Variants in OSGIN2 observed in about 807,000 individuals in gnomAD.
OSGIN2 encodes oxidative stress-induced growth inhibitor 2.
Under a neutral mutation model 53.8 loss-of-function variants are expected in OSGIN2, and 19 were observed. The ratio of observed to expected loss-of-function variants is 0.35; its 90% CI spans 0.25 to 0.52. The LOEUF (loss-of-function observed/expected upper bound fraction) is 0.52, where lower values mean the gene tolerates loss of function less well. Among genes scored for constraint, OSGIN2 ranks in the 20% least tolerant of loss-of-function variants. The probability of loss-of-function intolerance (pLI) is 0.95; values close to 1 mark genes in which losing one functional copy is unlikely to be tolerated. For missense variants in OSGIN2, 520 were observed against 662.7 expected (o/e 0.78, Z 2.36); for synonymous variants, 236 against 236.0 (o/e 1.00, Z 0.00).
chr8:89,915,650 G>A (rs1809062552), intron 4 of OSGIN2, among the ~76,000 whole-genome samples: 1 of 152,176 alleles, frequency 6.6e-6, no homozygotes, highest in East Asian at 1.9e-4. Flanking sequence ...ACAAATTGAT[G>A]TTAAGTAATT....
rs1809302424 is a variant in OSGIN2 at position 89,925,441 on chromosome 8, G to C, written c.1559G>C (p.Gly520Ala). Residue 520 changes from glycine (G) to alanine (A), a missense_variant, in exon 6 of 6, where the codon GGA (glycine) becomes GCA (alanine). Physicochemically the swap from Gly to Ala is moderately conservative, Grantham distance 60. Transcript: ENST00000451899. ...VGDNFVRFLKGGALGVTRCLA... is the reference protein window; with the variant it reads ...VGDNFVRFLKAGALGVTRCLA... ...GACAATTTTGTTCGATTTTTAAAGG[G>C]AGGGGCGCTGGGTGTTACACGCTGT... The C allele has an allele frequency of 6.2e-7, 1 of 1,614,044 alleles. No individual in the cohort carries two copies. Among genetic ancestry groups the C allele is most frequent in the African/African-American group, 1.3e-5 (1 of 74,926 alleles).
chr8:89,923,749 A>G (rs941917565), intron 5 of OSGIN2, among the ~76,000 whole-genome samples: 3 of 152,246 alleles, frequency 2.0e-5, no homozygotes, highest in Non-Finnish European at 4.4e-5. Flanking sequence ...CAATTGGTCT[A>G]TCAGGACAAA....
At position 89,925,095 on chromosome 8, in the gene OSGIN2, T is replaced by C. The variant is rs770835741; in HGVS notation, c.1213T>C (p.Cys405Arg). Reference protein sequence around the residue: ...PEYHKVYHMMCTQSYSVDSNL... With the variant: ...PEYHKVYHMMRTQSYSVDSNL... ...ATATCATAAAGTCTATCATATGATG[T>C]GTACTCAGTCATATTCTGTAGACTC... Residue 405 changes from cysteine to arginine, a missense_variant, in exon 6 of 6, where the codon TGT (cysteine) becomes CGT (arginine). This residue lies in a region of OSGIN2 where 239 missense variants were observed against 328.3 expected (regional missense o/e 0.73). Transcript: ENST00000451899. 2.5e-6 allele frequency: 4 copies of C among 1,612,816 alleles called. No individual in the cohort carries two copies. The East Asian group carries it at 8.9e-5, about 36-fold the overall frequency.
chr8:89,919,367 G>GTAA (rs1809149790), intron 4 of OSGIN2, among the ~76,000 whole-genome samples: 1 of 152,198 alleles, frequency 6.6e-6, no homozygotes, highest in Non-Finnish European at 1.5e-5. Flanking sequence ...TCCACTCCTA[G>GTAA]TAAAGTCACT....
intron 1 of OSGIN2, among the ~76,000 whole-genome samples, chr8:89,906,909 T>A (rs1356461979): frequency 6.6e-6 from 1 of 152,204 alleles, no homozygotes; most frequent in Non-Finnish European, 1.5e-5. Flanking sequence ...AAGCATTCCC[T>A]TTTCTCCATA....
intron 1 of OSGIN2, 59 bp from the exon 2 acceptor site, chr8:89,909,508 T>C: frequency 2.2e-6 from 2 of 912,578 alleles, no homozygotes; most frequent in Non-Finnish European, 3.1e-6. Context: ...TAGAGATTGA[T>C]TTTTATAAAG....
chr8:89,925,781 AACATTCTTTTCTTG>A lies in OSGIN2; in HGVS notation c.*250_*263del, dbSNP rs1366576044. The stretch of plus-strand genomic sequence containing the variant: ...GTAACTTAAGCTTTCATTTAACTAA[AACATTCTTTTCTTG>A]CAAAACTTATTTTTCATGATCATTT... On this transcript the variant is annotated 3_prime_UTR_variant, in exon 6 of 6. Coordinates refer to ENST00000451899, the MANE Select transcript of OSGIN2 (RefSeq NM_001126111.3). 7.7e-6 allele frequency: 3 copies of A among 388,696 alleles called. No individual in the cohort carries two copies. The highest frequency in any genetic ancestry group is 6.1e-5 in the African/African-American group (3 of 49,446). 24.1% of individuals were successfully genotyped at this position (388,696 alleles called of 1,614,324 possible).
Position 89,924,884 on chromosome 8 carries a change from T to G in OSGIN2, c.1002T>G (p.Ala334=). 6.2e-7 allele frequency: 1 copy of G among 1,614,210 alleles called. No individual in the cohort carries two copies. Among genetic ancestry groups the G allele is most frequent in the Non-Finnish European group, 8.5e-7 (1 of 1,180,030 alleles). ...TTCATTCAATGCCTGAATTTGGAGC[T>G]GCTATAAACAAAGGAAAGTTGCGTG... ...FVFHSMPEFG[A]AINKGKLRGK... is the part of the protein sequence containing the mutation. The change falls in exon 6 of 6, where the codon GCT becomes GCG. Residue 334 remains alanine (A), a synonymous_variant. Coordinates refer to ENST00000451899, the MANE Select transcript of OSGIN2 (RefSeq NM_001126111.3).
chr8:89,904,541 G>C (rs146187432), intron 1 of OSGIN2, among the ~76,000 whole-genome samples: 2 of 149,324 alleles, frequency 1.3e-5, no homozygotes, highest in Non-Finnish European at 3.0e-5. Context: ...TTTTTTTTTA[G>C]TTGTTTACCA....
chr8:89,925,125 C>A lies in OSGIN2; in HGVS notation c.1243C>A (p.Leu415Ile). ...TCAGTCATATTCTGTAGACTCAAAT[C>A]TTTTATCTGATTATACCAGCTTTCC... ...CTQSYSVDSN[L>I]LSDYTSFPEH... The change falls in exon 6 of 6, where the codon CTT becomes ATT. Residue 415 changes from leucine (L) to isoleucine (I), a missense_variant. By Grantham distance (5) the Leu-to-Ile change is conservative (BLOSUM62 2). Transcript: ENST00000451899. The A allele has an allele frequency of 6.2e-7, 1 of 1,614,050 alleles. No individual in the cohort carries two copies. Among genetic ancestry groups the A allele is most frequent in the Non-Finnish European group, 8.5e-7 (1 of 1,179,918 alleles).
chr8:89,924,580 A>G lies in OSGIN2; in HGVS notation c.698A>G (p.Gln233Arg), dbSNP rs947578024. Residue 233 changes from glutamine to arginine, a missense_variant, in exon 6 of 6, where the codon CAG (glutamine) becomes CGG (arginine). Physicochemically the swap from Gln to Arg is conservative, Grantham distance 43. Transcript: ENST00000451899. The part of the protein sequence containing the change: ...YKHYVKVMGL[Q>R]KNFRENTYIT... The stretch of plus-strand genomic sequence containing the variant: ...CATTATGTAAAAGTCATGGGTCTTC[A>G]GAAGAATTTCAGAGAGAATACTTAC... 1.9e-6 allele frequency: 3 copies of G among 1,613,784 alleles called. No individual in the cohort carries two copies. The highest frequency in any genetic ancestry group is 2.5e-6 in the Non-Finnish European group (3 of 1,179,772).
chr8:89,912,535 C>G (rs905254005), intron 2 of OSGIN2, among the ~76,000 whole-genome samples: 4 of 152,034 alleles, frequency 2.6e-5, no homozygotes, highest in Non-Finnish European at 5.9e-5. Flanking sequence ...GTGGGTGGAT[C>G]AAGAGATCAA....
intron 1 of OSGIN2, among the ~76,000 whole-genome samples, chr8:89,903,993 G>T (rs1189284090): frequency 6.6e-6 from 1 of 152,214 alleles, no homozygotes; most frequent in Non-Finnish European, 1.5e-5. Flanking sequence ...TAAAAGAGAT[G>T]TAAGGCATAG....
chr8:89,920,298 A>T (rs1023722500), intron 4 of OSGIN2, among the ~76,000 whole-genome samples: 6 of 145,168 alleles, frequency 4.1e-5, no homozygotes, highest in African/African-American at 8.5e-5. Flanking sequence ...AGTCAGTTAT[A>T]ATAATAATAA....
chr8:89,913,442 G>T (rs1809012302), intron 2 of OSGIN2, among the ~76,000 whole-genome samples: 1 of 152,182 alleles, frequency 6.6e-6, no homozygotes, highest in Non-Finnish European at 1.5e-5. Flanking sequence ...AACAAACAAT[G>T]AAGACCTTTA....
In OSGIN2 at chr8:89,912,082, CTT is replaced by C. The variant is rs1199762253; in HGVS notation, c.200-1993_200-1992del. 4.0e-5 allele frequency among the ~76,000 whole-genome samples: 6 copies of C among 151,790 alleles called. No homozygotes were observed. In the East Asian group the frequency reaches 7.7e-4, roughly 20 times the overall value. ...TCTTATGGTTTTACTTTTCTTATAT[CTT>C]TGAGTATATTTTATTTGGGGTAACA... On this transcript the variant is annotated intron_variant, in intron 2 of 5. Coordinates refer to ENST00000451899, the MANE Select transcript of OSGIN2 (RefSeq NM_001126111.3).
In OSGIN2 at chr8:89,924,704, T is replaced by C. The variant is rs1809278871; in HGVS notation, c.822T>C (p.Phe274=). The change falls in exon 6 of 6, where the codon TTT becomes TTC. Residue 274 remains phenylalanine (F), a synonymous_variant. Coordinates refer to ENST00000451899, the MANE Select transcript of OSGIN2 (RefSeq NM_001126111.3). ...TKHLQIEKSN[F]IKRNWEIRGY... is the part of the protein sequence containing the mutation. ...ATTTACAGATAGAGAAGTCAAACTTTATCAAGAGAAACTGGGAAATTAGGG... is the reference window on the plus strand; with the variant it reads ...ATTTACAGATAGAGAAGTCAAACTTCATCAAGAGAAACTGGGAAATTAGGG... 6.2e-7 allele frequency: 1 copy of C among 1,614,004 alleles called. No individual in the cohort carries two copies. Among genetic ancestry groups the C allele is most frequent in the African/African-American group, 1.3e-5 (1 of 74,932 alleles).
At chr8:89,918,622 C>T (rs978010892) in intron 4 of OSGIN2, among the ~76,000 whole-genome samples, 1 of 152,174 alleles carries the variant, frequency 6.6e-6, no homozygotes, top group African/African-American at 2.4e-5. Context: ...CAAAACCAGC[C>T]CAGATTGCTG....
At chr8:89,924,288 T>C (rs1809268352) in intron 5 of OSGIN2, among the ~76,000 whole-genome samples, 1 of 152,224 alleles carries the variant, frequency 6.6e-6, no homozygotes, top group African/African-American at 2.4e-5. Flanking sequence ...AAATATAGTC[T>C]CTGCTCTCAT....
Sources: allele counts gnomAD v4.1 joint callset (sites outside exome capture counted in the v4.1 genomes callset), GRCh38; gene constraint gnomAD v4.1.1; regional missense constraint gnomAD v4.1.1; transcripts MANE v1.5; gene names NCBI Gene and HGNC (gene_info 2026-07-23, HGNC 2026-07-21).